Variants in PRR16 observed in about 807,000 individuals in gnomAD.
PRR16 encodes protein Largen.
PRR16 carries 6 observed loss-of-function variants against 18.2 expected under a neutral mutation model. The ratio of observed to expected loss-of-function variants is 0.33; its 90% CI spans 0.18 to 0.65. The LOEUF is 0.65. Ranked by LOEUF, PRR16 falls within the 30% of genes least tolerant of loss-of-function variation. The pLI is 0.74. For missense variants in PRR16, 412 were observed against 376.6 expected, an observed-to-expected ratio of 1.09 and a Z score of -0.78; for synonymous variants, 151 against 147.8, an observed-to-expected ratio of 1.02 and a Z score of -0.16.
At chr5:120,742,133 TATTTC>T in the PRR16 span, among the ~76,000 whole-genome samples, 1 of 152,012 alleles carries the variant, frequency 6.6e-6, no homozygotes, top group African/African-American at 2.4e-5. Context: ...CAATATATAA[TATTTC>T]ATTATTTTTA....
chr5:120,688,129 A>G (rs142352324), downstream of PRR16, among the ~76,000 whole-genome samples: 41 of 152,338 alleles, frequency 2.7e-4, no homozygotes, highest in African/African-American at 9.6e-4. Flanking sequence ...ATAGCCTTCA[A>G]TCGTATTTCT....
chr5:120,678,535 G>A (rs1580872507), intron 1 of PRR16, among the ~76,000 whole-genome samples: 1 of 152,038 alleles, frequency 6.6e-6, no homozygotes, highest in Non-Finnish European at 1.5e-5. Context: ...TGTTCTGAGG[G>A]GAATACACAT....
the PRR16 span, among the ~76,000 whole-genome samples, chr5:120,731,640 A>T: frequency 6.6e-6 from 1 of 152,198 alleles, no homozygotes; most frequent in Non-Finnish European, 1.5e-5. Context: ...TGCAAGGGGC[A>T]TTTATCTGCT....
Position 120,563,538 on chromosome 5 carries a change from G to C in PRR16, c.159+98893G>C, listed in dbSNP as rs566573849. Reference sequence around the variant, plus strand: ...CCACCACCACCAACAGCCCATGAAGGGTTCTTCCAGGCCACAGGCTAATGT... The same window carrying C: ...CCACCACCACCAACAGCCCATGAAGCGTTCTTCCAGGCCACAGGCTAATGT... On this transcript the variant is annotated intron_variant, in intron 1 of 1. Coordinates refer to ENST00000407149, the MANE Select transcript of PRR16 (RefSeq NM_001300783.2). Among the ~76,000 whole-genome samples, 9 of 152,196 alleles carry C rather than the reference G, an allele frequency of 5.9e-5. No individual in the cohort carries two copies. The South Asian group carries it at 1.7e-3, about 28-fold the overall frequency.
intron 1 of PRR16, among the ~76,000 whole-genome samples, chr5:120,584,612 T>A (rs556482998): frequency 1.3e-5 from 2 of 152,308 alleles, no homozygotes; most frequent in East Asian, 3.9e-4. Context: ...TTTTTTTAGA[T>A]AGGCACAGAG....
At chr5:120,708,809 C>G in the PRR16 span, among the ~76,000 whole-genome samples, 1 of 151,970 alleles carries the variant, frequency 6.6e-6, no homozygotes, top group Non-Finnish European at 1.5e-5. Context: ...TGAGCATTAT[C>G]AAACGCATTT....
intron 1 of PRR16, among the ~76,000 whole-genome samples, chr5:120,525,932 A>G (rs1252899138): frequency 6.6e-6 from 1 of 152,194 alleles, no homozygotes; most frequent in African/African-American, 2.4e-5. Context: ...AAGAAACAAC[A>G]TTTTTGGACA....
chr5:120,680,714 G>T (rs1328553113), intron 1 of PRR16, among the ~76,000 whole-genome samples: 1 of 152,104 alleles, frequency 6.6e-6, no homozygotes, highest in Non-Finnish European at 1.5e-5. Context: ...GGATTATCAG[G>T]TTGTTTCATT....
At chr5:120,706,469 C>T in the PRR16 span, among the ~76,000 whole-genome samples, 1 of 152,118 alleles carries the variant, frequency 6.6e-6, no homozygotes, top group Non-Finnish European at 1.5e-5. Context: ...CTTCATTTAA[C>T]AAAACAGCAA....
intron 1 of PRR16, among the ~76,000 whole-genome samples, chr5:120,516,859 G>A (rs114870274): frequency 0.012 from 1,802 of 152,222 alleles, 33 homozygotes; most frequent in African/African-American, 0.041. Context: ...TTTATTTCCC[G>A]TTTTAGCAAT....
intron 1 of PRR16, among the ~76,000 whole-genome samples, chr5:120,563,926 C>G (rs6863820): frequency 0.99 from 150,494 of 152,302 alleles, 74,375 homozygotes; most frequent in East Asian, 1. Context: ...GGGTATTACT[C>G]CTGGTTATTC....
downstream of PRR16, among the ~76,000 whole-genome samples, chr5:120,687,994 A>G (rs376786256): frequency 2.0e-5 from 3 of 152,330 alleles, no homozygotes; most frequent in East Asian, 1.9e-4. Context: ...TTGGTTCATT[A>G]GTGGTAAGAG....
chr5:120,762,076 C>A, the PRR16 span, among the ~76,000 whole-genome samples: 1 of 152,124 alleles, frequency 6.6e-6, no homozygotes, highest in African/African-American at 2.4e-5. Context: ...TATTATTCCA[C>A]TGTTTATACA....
At chr5:120,620,957 C>T (rs1214902155) in intron 1 of PRR16, among the ~76,000 whole-genome samples, 1 of 152,082 alleles carries the variant, frequency 6.6e-6, no homozygotes, top group African/African-American at 2.4e-5. Context: ...ATACCCAGGC[C>T]CATAATTCTC....
chr5:120,630,661 CG>C (rs1755022332), intron 1 of PRR16, among the ~76,000 whole-genome samples: 1 of 151,980 alleles, frequency 6.6e-6, no homozygotes, highest in Admixed American at 6.6e-5. Context: ...CCTGCCTACC[CG>C]CTAACAGATG....
chr5:120,774,981 C>G, the PRR16 span, among the ~76,000 whole-genome samples: 1 of 152,158 alleles, frequency 6.6e-6, no homozygotes, highest in Non-Finnish European at 1.5e-5. Flanking sequence ...TATCTTCCTT[C>G]CATGCAGCCA....
chr5:120,533,812 T>G (rs558231722), intron 1 of PRR16, among the ~76,000 whole-genome samples: 8 of 152,320 alleles, frequency 5.3e-5, no homozygotes, highest in African/African-American at 1.7e-4. Flanking sequence ...TACTTCAGAC[T>G]GTTAGGTAGA....
chr5:120,613,044 A>G (rs1301730554), intron 1 of PRR16, among the ~76,000 whole-genome samples: 6 of 152,216 alleles, frequency 3.9e-5, no homozygotes, highest in Admixed American at 3.3e-4. Flanking sequence ...AGCATGAGGT[A>G]TATGTTTTAA....
intron 1 of PRR16, among the ~76,000 whole-genome samples, chr5:120,658,706 A>G (rs1052934465): frequency 2.6e-5 from 4 of 151,762 alleles, no homozygotes; most frequent in Non-Finnish European, 5.9e-5. Flanking sequence ...AGGAACTCCA[A>G]TAATAAAATG....
Sources: allele counts gnomAD v4.1 joint callset (sites outside exome capture counted in the v4.1 genomes callset), GRCh38; gene constraint gnomAD v4.1.1; transcripts MANE v1.5; gene names NCBI Gene and HGNC (gene_info 2026-07-23, HGNC 2026-07-21).